The following ZNF483 variants were observed in gnomAD, a reference collection of about 807,000 sequenced individuals.
ZNF483 encodes the protein zinc finger protein HIT-10.
In ZNF483, 9 loss-of-function variants were observed where a neutral mutation model predicts 28.6. That is an observed-to-expected ratio of 0.32 (90% CI 0.19 to 0.55). ZNF483 has a LOEUF of 0.55. Among genes scored for constraint, ZNF483 ranks in the 20% least tolerant of loss-of-function variants. The pLI, the probability that ZNF483 is intolerant of heterozygous loss-of-function variation, is 0.93. For synonymous variants in ZNF483, 322 were observed against 306.2 expected, an observed-to-expected ratio of 1.05 and a Z score of -0.54; for missense variants, 675 against 871.7, an observed-to-expected ratio of 0.77 and a Z score of 2.84.
chr9:111,558,324 T>C (rs1828182836), downstream of ZNF483, among the ~76,000 whole-genome samples: 1 of 152,218 alleles, frequency 6.6e-6, no homozygotes, highest in Non-Finnish European at 1.5e-5. Context: ...CCCTTTCAAA[T>C]TGGCTGTGTT....
At position 111,551,400 on chromosome 9, in the gene ZNF483, GTTTTTTTTT is replaced by G. The variant is rs58638722; in HGVS notation, c.*8247_*8255del. Among the ~76,000 whole-genome samples, 3 of 74,430 alleles carry G rather than the reference GTTTTTTTTT, an allele frequency of 4.0e-5. No homozygotes were observed. Among genetic ancestry groups the G allele is most frequent in the African/African-American group, 1.4e-4 (3 of 21,028 alleles). The allele number at this position is 74,430 out of a possible 152,430, so 48.8% of individuals were successfully genotyped here. On this transcript the variant is annotated 3_prime_UTR_variant, in exon 6 of 6. Transcript: ENST00000309235. ...TAACTGAATCAAGTATCCAGTTTTT[GTTTTTTTTT>G]TTTTTTTTTTTTTTTTGAGATGGAG...
chr9:111,534,364 G>T lies in ZNF483; in HGVS notation c.721+11G>T, dbSNP rs1233312890. ...AAAGCTCCCGACTAGGTGAGTTGGT[G>T]AAAAATACACAACGAAATTAAAGCA... is the stretch of plus-strand genomic sequence containing the variant. On this transcript the variant is annotated intron_variant, in intron 5 of 5. Transcript: ENST00000309235. The T allele has an allele frequency of 6.2e-7, 1 of 1,610,120 alleles. No homozygotes were observed. Among genetic ancestry groups the T allele is most frequent in the Non-Finnish European group, 8.5e-7 (1 of 1,176,588 alleles).
Position 111,549,581 on chromosome 9 carries a change from G to A in ZNF483, c.*6411G>A. On this transcript the variant is annotated 3_prime_UTR_variant, in exon 6 of 6. Coordinates refer to ENST00000309235, the MANE Select transcript of ZNF483 (RefSeq NM_133464.5). ...GTCTCCCTTGTAGATTATCAGAGTG[G>A]GTCGATAATCTACAAGCTTTGCTAA... 1.5e-6 allele frequency: 1 copy of A among 663,478 alleles called. No homozygotes were observed. The highest frequency in any genetic ancestry group is 1.9e-5 in the South Asian group (1 of 52,140). The allele number at this position is 663,478 out of a possible 1,614,324, so 41.1% of individuals were successfully genotyped here. A position where few individuals can be genotyped will look rare whatever the true frequency, so the allele number is the denominator to read the frequency against.
At chr9:111,558,547 G>C (rs370636957), downstream of ZNF483, among the ~76,000 whole-genome samples, 1 of 152,114 alleles carries the variant, frequency 6.6e-6, no homozygotes, top group Non-Finnish European at 1.5e-5. Flanking sequence ...AGCTCATCTT[G>C]TATCTTCCCT....
chr9:111,537,304 C>T (rs1425964749), intron 5 of ZNF483, among the ~76,000 whole-genome samples: 2 of 152,070 alleles, frequency 1.3e-5, no homozygotes, highest in East Asian at 3.8e-4. Flanking sequence ...TCACTGCAGC[C>T]TCCACCTCCT....
At chr9:111,567,849 A>G (rs967163715) in intron 5 of ZNF483, among the ~76,000 whole-genome samples, 2 of 152,226 alleles carry the variant, frequency 1.3e-5, no homozygotes, top group Non-Finnish European at 2.9e-5. Flanking sequence ...GGCTGGAGCC[A>G]TGGCAGAGGA....
rs2132286617 is a variant in ZNF483 at position 111,552,959 on chromosome 9, ATCTAAGGT to A, written c.*9793_*9800del. On this transcript the variant is annotated 3_prime_UTR_variant, in exon 6 of 6. Transcript: ENST00000309235. ...AAAGTGATAATTTCTTCATCTCTCC[ATCTAAGGT>A]TCTTTGTAGATGCATGTGTAAGAAG... Among the ~76,000 whole-genome samples the A allele has an allele frequency of 6.6e-6, 1 of 152,278 alleles. No individual in the cohort carries two copies. The highest frequency in any genetic ancestry group is 2.4e-5 in the African/African-American group (1 of 41,572).
intron 5 of ZNF483, among the ~76,000 whole-genome samples, chr9:111,536,122 C>T (rs1387562352): frequency 1.3e-5 from 2 of 149,868 alleles, no homozygotes; most frequent in African/African-American, 4.9e-5. Context: ...CACTCCTGAC[C>T]TCAAGTGATC....
intron 5 of ZNF483, among the ~76,000 whole-genome samples, chr9:111,566,785 T>C (rs1168242748): frequency 2.0e-5 from 3 of 152,230 alleles, no homozygotes; most frequent in African/African-American, 7.2e-5. Flanking sequence ...TCATGGAGGT[T>C]ACATCCTCAA....
chr9:111,534,378 G>A (rs778367866), intron 5 of ZNF483, 25 bp downstream of exon 5: 6 of 1,584,086 alleles, frequency 3.8e-6, no homozygotes, highest in African/African-American at 1.3e-5. Context: ...AATACACAAC[G>A]AAATTAAAGC....
chr9:111,534,438 T>A, intron 5 of ZNF483, 85 bp downstream of exon 5: 1 of 1,124,522 alleles, frequency 8.9e-7, no homozygotes, highest in Non-Finnish European at 1.3e-6. Flanking sequence ...TTGGGCTGCC[T>A]AGATACTAAA....
rs1827714869 is a variant in ZNF483, at chr9:111,543,195, G to A, written c.*25G>A. The A allele has an allele frequency of 6.4e-7, 1 of 1,554,698 alleles. No homozygotes were observed. The highest frequency in any genetic ancestry group is 1.2e-5 in the South Asian group (1 of 80,774). On this transcript the variant is annotated 3_prime_UTR_variant, in exon 6 of 6. Transcript: ENST00000309235. ...ATCCTGGAACTACATTAAAGTGGGG[G>A]GAATTTAATTCAAATTGTCAGTTAC...
In ZNF483 at chr9:111,543,741, T is replaced by A. The variant is rs1827731509; in HGVS notation, c.*571T>A. ...TCTCTAGTAAAAAATACAATACCACTATTCAGGATGCTGGACTTCTTTTCT... is the reference window on the plus strand; with the variant it reads ...TCTCTAGTAAAAAATACAATACCACAATTCAGGATGCTGGACTTCTTTTCT... On this transcript the variant is annotated 3_prime_UTR_variant, in exon 6 of 6. Transcript: ENST00000309235. 1.0e-6 allele frequency: 1 copy of A among 965,416 alleles called. No individual in the cohort carries two copies. Among genetic ancestry groups the A allele is most frequent in the Non-Finnish European group, 1.2e-6 (1 of 811,730 alleles). 59.8% of individuals were successfully genotyped at this position (965,416 alleles called of 1,614,324 possible).
chr9:111,543,496 C>G lies in ZNF483; in HGVS notation c.*326C>G, dbSNP rs1419326038. On this transcript the variant is annotated 3_prime_UTR_variant, in exon 6 of 6. Coordinates refer to ENST00000309235, the MANE Select transcript of ZNF483 (RefSeq NM_133464.5). ...GATGGAGAGAACTTGACTGCAGTCA[C>G]ATAACTTGGATTCTGTCCCAGTTTG... 1 of 1,037,934 alleles carries G rather than the reference C, an allele frequency of 9.6e-7. No individual in the cohort carries two copies. Among genetic ancestry groups the G allele is most frequent in the African/African-American group, 1.7e-5 (1 of 58,920 alleles). The allele number at this position is 1,037,934 out of a possible 1,614,324, so 64.3% of individuals were successfully genotyped here. A position where few individuals can be genotyped will look rare whatever the true frequency, so the allele number is the denominator to read the frequency against.
downstream of ZNF483, among the ~76,000 whole-genome samples, chr9:111,578,002 G>T (rs753289853): frequency 2.0e-5 from 3 of 151,894 alleles, no homozygotes; most frequent in Non-Finnish European, 4.4e-5. Context: ...GCGTTTTTTG[G>T]GGGGGGTGAT....
rs767683038 is a variant in ZNF483 at position 111,549,825 on chromosome 9, C to T, written c.*6655C>T. ...CTGTCAACACAATCAGAACATTTAG[C>T]TCTTTGAGCATCTTTAAGGCAGTTG... On this transcript the variant is annotated 3_prime_UTR_variant, in exon 6 of 6. Coordinates refer to ENST00000309235, the MANE Select transcript of ZNF483 (RefSeq NM_133464.5). 21 of 1,423,254 alleles carry T rather than the reference C, an allele frequency of 1.5e-5. No individual in the cohort carries two copies. Among genetic ancestry groups the T allele is most frequent in the Middle Eastern group, 3.5e-4 (2 of 5,784 alleles). The allele number at this position is 1,423,254 out of a possible 1,614,324, so 88.2% of individuals were successfully genotyped here.
intron 5 of ZNF483, among the ~76,000 whole-genome samples, chr9:111,561,114 G>T (rs866534297): frequency 0.025 from 1,020 of 40,464 alleles, 56 homozygotes; most frequent in African/African-American, 0.031. Flanking sequence ...TATATATAGA[G>T]AGAGAGAGAG....
At chr9:111,566,989 T>C (rs1262797745) in intron 5 of ZNF483, among the ~76,000 whole-genome samples, 4 of 151,156 alleles carry the variant, frequency 2.6e-5, no homozygotes, top group African/African-American at 7.3e-5. Flanking sequence ...CTCAGGAGGT[T>C]GAGGTGGGAG....
At chr9:111,531,749 A>G (rs1174291972) in intron 3 of ZNF483, among the ~76,000 whole-genome samples, 2 of 152,108 alleles carry the variant, frequency 1.3e-5, no homozygotes, top group Non-Finnish European at 2.9e-5. Context: ...TGGTGCAAGC[A>G]TAGCTCACTG....
Sources: gnomAD v4.1 joint callset for allele counts (sites outside exome capture counted in the v4.1 genomes callset) on GRCh38, gnomAD v4.1.1 for gene constraint, MANE v1.5 for transcripts, NCBI Gene and HGNC (gene_info 2026-07-23, HGNC 2026-07-21) for gene names.